The following GFRAL variants were observed in gnomAD, a reference collection of about 807,000 sequenced individuals.
GFRAL encodes GDNF family receptor alpha like.
Under a neutral mutation model 45.4 loss-of-function variants are expected in GFRAL, and 36 were observed. The observed-to-expected ratio is 0.79, with a 90% CI of 0.61 to 1.05. GFRAL has a LOEUF of 1.05. Ranked by LOEUF, GFRAL falls within the 50% of genes least tolerant of loss-of-function variation. GFRAL has a pLI of 0.00. For missense variants in GFRAL, 507 were observed against 467.5 expected, an observed-to-expected ratio of 1.08 and a Z score of -0.78; for synonymous variants, 166 against 154.1, an observed-to-expected ratio of 1.08 and a Z score of -0.57.
chr6:55,351,594 ACACT>A lies in GFRAL; in HGVS notation c.701+14_701+17del. 3 of 1,579,246 alleles carry A rather than the reference ACACT, an allele frequency of 1.9e-6. No homozygotes were observed. Among genetic ancestry groups the A allele is most frequent in the Middle Eastern group, 1.7e-4 (1 of 5,908 alleles). ...TGATGAATTATGCAGGTGGGTAAAA[ACACT>A]CATACCTTACTTTCTTATTTCGGCA... On this transcript the variant is annotated intron_variant, in intron 5 of 8. Transcript: ENST00000340465.
intron 6 of GFRAL, among the ~76,000 whole-genome samples, chr6:55,373,271 C>T (rs1332951937): frequency 6.6e-6 from 1 of 152,092 alleles, no homozygotes; most frequent in Admixed American, 6.6e-5. Context: ...CTGAAAGGTT[C>T]TTCCTTGACC....
At chr6:55,341,742 TC>T (rs767788179) in intron 3 of GFRAL, among the ~76,000 whole-genome samples, 10 of 148,252 alleles carry the variant, frequency 6.7e-5, no homozygotes, top group Non-Finnish European at 1.4e-4. Context: ...AGGAGGATGT[TC>T]GAACCCATTG....
At chr6:55,342,540 G>A (rs1423005290) in intron 3 of GFRAL, among the ~76,000 whole-genome samples, 3 of 152,072 alleles carry the variant, frequency 2.0e-5, no homozygotes, top group Non-Finnish European at 2.9e-5. Flanking sequence ...AACATGGAAA[G>A]GGACAACCGG....
At chr6:55,367,227 G>T (rs1345792855) in intron 6 of GFRAL, among the ~76,000 whole-genome samples, 12 of 126,188 alleles carry the variant, frequency 9.5e-5, no homozygotes, top group South Asian at 2.6e-4. Flanking sequence ...ATCTTTGTTG[G>T]TTTAAAGTCT....
intron 6 of GFRAL, among the ~76,000 whole-genome samples, chr6:55,368,048 G>A (rs1768390045): frequency 6.7e-6 from 1 of 148,330 alleles, no homozygotes; most frequent in Admixed American, 6.7e-5. Context: ...TTCCAACTTG[G>A]TTCCATTCTC....
intron 6 of GFRAL, among the ~76,000 whole-genome samples, chr6:55,364,289 GT>G (rs983542512): frequency 5.3e-5 from 8 of 151,210 alleles, no homozygotes; most frequent in African/African-American, 2.0e-4. Flanking sequence ...GGGATTGTTT[GT>G]TTTTTTCTTG....
At chr6:55,354,127 C>T (rs1768155701) in intron 5 of GFRAL, among the ~76,000 whole-genome samples, 1 of 152,018 alleles carries the variant, frequency 6.6e-6, no homozygotes, top group African/African-American at 2.4e-5. Context: ...ATTCAACCTT[C>T]AAAGCATGGT....
intron 6 of GFRAL, among the ~76,000 whole-genome samples, chr6:55,394,422 A>C (rs1461989819): frequency 6.6e-6 from 1 of 152,166 alleles, no homozygotes; most frequent in Non-Finnish European, 1.5e-5. Context: ...ACAGCAGAAG[A>C]AGCCAGTGAA....
Position 55,358,896 on chromosome 6 carries a change from A to G in GFRAL, c.710A>G (p.Tyr237Cys), listed in dbSNP as rs1337177971. Residue 237 changes from tyrosine to cysteine, a missense_variant, in exon 6 of 9, where the codon TAT becomes TGT. Transcript: ENST00000340465. ...CQNDELCRRHYRTFQSKCWQR... is the reference protein window; with the variant it reads ...CQNDELCRRHCRTFQSKCWQR... ...CTTCACTCTTTCTCTAGGAGGCACTATAGAACATTTCAGTCAAAATGCTGG... is the reference window on the plus strand; with the variant it reads ...CTTCACTCTTTCTCTAGGAGGCACTGTAGAACATTTCAGTCAAAATGCTGG... 5.0e-6 allele frequency: 8 copies of G among 1,612,192 alleles called. No individual in the cohort carries two copies. Among genetic ancestry groups the G allele is most frequent in the Non-Finnish European group, 5.9e-6 (7 of 1,178,782 alleles).
chr6:55,352,455 G>A (rs1372526496), intron 5 of GFRAL, among the ~76,000 whole-genome samples: 1 of 152,002 alleles, frequency 6.6e-6, no homozygotes, highest in East Asian at 1.9e-4. Flanking sequence ...AGAATTGTTG[G>A]CAGCAGATGC....
intron 6 of GFRAL, among the ~76,000 whole-genome samples, chr6:55,394,993 T>C (rs923476369): frequency 3.3e-5 from 5 of 151,934 alleles, no homozygotes; most frequent in African/African-American, 1.2e-4. Context: ...CTACTCTCAC[T>C]ACAATTGTGC....
intron 5 of GFRAL, among the ~76,000 whole-genome samples, chr6:55,353,227 G>A (rs1768142918): frequency 1.3e-5 from 2 of 152,064 alleles, no homozygotes; most frequent in Admixed American, 6.6e-5. Context: ...TGTCATATTT[G>A]TCCCCTTGTT....
At chr6:55,358,325 G>A (rs538236074) in intron 5 of GFRAL, among the ~76,000 whole-genome samples, 1 of 151,912 alleles carries the variant, frequency 6.6e-6, no homozygotes, top group East Asian at 1.9e-4. Context: ...AATGAAATTA[G>A]TGTACATTAT....
At chr6:55,347,991 AG>A (rs113518555) in intron 3 of GFRAL, among the ~76,000 whole-genome samples, 6,193 of 152,212 alleles carry the variant, frequency 0.041, 179 homozygotes, top group African/African-American at 0.073. Flanking sequence ...TACATATACA[AG>A]AGTTTAGTTT....
At chr6:55,333,752 T>G in intron 2 of GFRAL, 34 bp from the exon 3 acceptor site, 3 of 1,419,786 alleles carry the variant, frequency 2.1e-6, no homozygotes, top group Non-Finnish European at 1.9e-6. Flanking sequence ...TATAATCAGA[T>G]TAATATCTAT....
chr6:55,361,247 C>A (rs1015362820), intron 6 of GFRAL, among the ~76,000 whole-genome samples: 6 of 151,934 alleles, frequency 3.9e-5, no homozygotes, highest in Non-Finnish European at 7.4e-5. Context: ...CCTCAAAGGC[C>A]TTTGGTCACA....
In GFRAL at chr6:55,402,432, G is replaced by T; in HGVS notation, c.*579G>T. 6.6e-6 allele frequency: 1 copy of T among 151,862 alleles called. No individual in the cohort carries two copies. Among genetic ancestry groups the T allele is most frequent in the East Asian group, 1.9e-4 (1 of 5,168 alleles). The allele number at this position is 151,862 out of a possible 1,614,324, so 9.4% of individuals were successfully genotyped here. A position where few individuals can be genotyped will look rare whatever the true frequency, so the allele number is the denominator to read the frequency against. ...ATGTTATTTTTTTCTTAATACTCAAGAAAAAATATATGGTGGTATCTTTTA... is the reference window on the plus strand; with the variant it reads ...ATGTTATTTTTTTCTTAATACTCAATAAAAAATATATGGTGGTATCTTTTA... On this transcript the variant is annotated 3_prime_UTR_variant, in exon 9 of 9. Coordinates refer to ENST00000340465, the MANE Select transcript of GFRAL (RefSeq NM_207410.2).
chr6:55,340,382 A>G (rs759807227), intron 3 of GFRAL, among the ~76,000 whole-genome samples: 1 of 152,214 alleles, frequency 6.6e-6, no homozygotes, highest in Non-Finnish European at 1.5e-5. Flanking sequence ...AGAATACCTG[A>G]CGCTTAGCAA....
intron 3 of GFRAL, among the ~76,000 whole-genome samples, chr6:55,338,468 T>C (rs9349776): frequency 0.33 from 50,594 of 152,062 alleles, 10,256 homozygotes; most frequent in Non-Finnish European, 0.47. Context: ...TTCAGTATCA[T>C]AATATAACAT....
Sources: gnomAD v4.1 joint callset for allele counts (sites outside exome capture counted in the v4.1 genomes callset) on GRCh38, gnomAD v4.1.1 for gene constraint, MANE v1.5 for transcripts, NCBI Gene and HGNC (gene_info 2026-07-23, HGNC 2026-07-21) for gene names.